The following APBB2 variants were observed in gnomAD, a reference collection of about 807,000 sequenced individuals.
The protein encoded by APBB2 is amyloid beta precursor protein binding family B member 2.
In APBB2, 38 loss-of-function variants were observed where a neutral mutation model predicts 82.5. The ratio of observed to expected loss-of-function variants is 0.46; its 90% CI spans 0.36 to 0.60. The LOEUF (loss-of-function observed/expected upper bound fraction) is 0.60, where lower values mean the gene tolerates loss of function less well. APBB2 is among the 20% of genes least tolerant of loss of function. The pLI is 0.00. For synonymous variants in APBB2, 341 were observed against 368.2 expected (o/e 0.93, Z 0.85); for missense variants, 772 against 972.3 (o/e 0.79, Z 2.74).
rs534447519 is a variant in APBB2 at position 40,971,721 on chromosome 4, A to C, written c.836-26648T>G. Among the ~76,000 whole-genome samples, 10 of 152,348 alleles carry C rather than the reference A, an allele frequency of 6.6e-5. No individual in the cohort carries two copies. The South Asian group carries it at 1.9e-3, about 28-fold the overall frequency. On this transcript the variant is annotated intron_variant, in intron 6 of 17. Coordinates refer to ENST00000508593, the MANE Select transcript of APBB2 (RefSeq NM_004307.2). ...TAGAAAATGTTTCAAAAGTAGAGAA[A>C]GAAAACCTATCATATATCCCCTTCT... is the stretch of plus-strand genomic sequence containing the variant.
chr4:41,124,652 T>A (rs1008466237), intron 2 of APBB2, among the ~76,000 whole-genome samples: 8 of 152,218 alleles, frequency 5.3e-5, no homozygotes, highest in African/African-American at 1.7e-4. Flanking sequence ...ATTTTTGTCT[T>A]GATAAAATAC....
At chr4:40,956,314 G>A (rs1038225862) in intron 6 of APBB2, among the ~76,000 whole-genome samples, 4 of 152,182 alleles carry the variant, frequency 2.6e-5, no homozygotes, top group Non-Finnish European at 5.9e-5. Context: ...GCAGCAAACA[G>A]AGGCTGCTTA....
intron 1 of APBB2, among the ~76,000 whole-genome samples, chr4:41,181,229 G>A (rs1580674396): frequency 6.6e-6 from 1 of 152,240 alleles, no homozygotes; most frequent in East Asian, 1.9e-4. Context: ...AGCCATTGTG[G>A]GGAGTTGGGG....
intron 1 of APBB2, among the ~76,000 whole-genome samples, chr4:41,197,794 T>C: frequency 6.6e-6 from 1 of 152,218 alleles, no homozygotes; most frequent in Non-Finnish European, 1.5e-5. Flanking sequence ...TCATATGCTA[T>C]TTCACTAACA....
intron 12 of APBB2, chr4:40,857,278 C>G (rs1332681212): frequency 3.1e-6 from 2 of 637,322 alleles, no homozygotes; most frequent in African/African-American, 2.0e-5. Flanking sequence ...AGTGCTCCCG[C>G]TAGGTGCTCC....
chr4:40,850,673 T>C (rs1267207705), intron 12 of APBB2, among the ~76,000 whole-genome samples: 4 of 152,222 alleles, frequency 2.6e-5, no homozygotes, highest in South Asian at 2.1e-4. Flanking sequence ...AGCTGAGTAG[T>C]TGCAACAGAG....
At chr4:40,820,255 T>C (rs953603523) in intron 17 of APBB2, among the ~76,000 whole-genome samples, 1 of 152,242 alleles carries the variant, frequency 6.6e-6, no homozygotes, top group Non-Finnish European at 1.5e-5. Context: ...TGGACGCTCC[T>C]CCTCTCTCCC....
At chr4:41,208,648 A>G (rs10517001) in intron 1 of APBB2, among the ~76,000 whole-genome samples, 3,758 of 152,302 alleles carry the variant, frequency 0.025, 61 homozygotes, top group Non-Finnish European at 0.037. Context: ...AATGAGTTAC[A>G]CTTCGGGAAC....
intron 3 of APBB2, among the ~76,000 whole-genome samples, chr4:41,075,177 C>T (rs1221086126): frequency 2.0e-5 from 3 of 152,184 alleles, no homozygotes; most frequent in African/African-American, 7.2e-5. Flanking sequence ...TATATTCATT[C>T]AAACTCTGGA....
intron 1 of APBB2, among the ~76,000 whole-genome samples, chr4:41,159,961 G>GAGGAGGAGGAGA (rs1764560364): frequency 6.3e-5 from 2 of 31,990 alleles, no homozygotes; most frequent in African/African-American, 1.0e-4. Context: ...GAAGGAGAAG[G>GAGGAGGAGGAGA]AGAAGAAGAA....
chr4:40,887,478 T>C (rs1770650015), intron 12 of APBB2, among the ~76,000 whole-genome samples: 1 of 152,258 alleles, frequency 6.6e-6, no homozygotes, highest in Non-Finnish European at 1.5e-5. Flanking sequence ...GTTTTATTCA[T>C]GCAAAGTGAA....
At chr4:41,144,706 T>TA (rs535853813) in intron 1 of APBB2, among the ~76,000 whole-genome samples, 14 of 152,334 alleles carry the variant, frequency 9.2e-5, no homozygotes, top group South Asian at 6.2e-4. Context: ...TTCCTAGAAA[T>TA]AAAAAATTCT....
intron 3 of APBB2, among the ~76,000 whole-genome samples, chr4:41,084,133 TAAAG>T (rs1381488130): frequency 6.6e-6 from 1 of 152,092 alleles, no homozygotes; most frequent in Non-Finnish European, 1.5e-5. Context: ...AGAAATCTCT[TAAAG>T]AAATAGGCTG....
At chr4:41,038,428 A>G (rs1720094215) in intron 4 of APBB2, among the ~76,000 whole-genome samples, 1 of 152,090 alleles carries the variant, frequency 6.6e-6, no homozygotes, top group Admixed American at 6.5e-5. Context: ...TCTTTGTCCA[A>G]CCCATTTTTA....
intron 6 of APBB2, among the ~76,000 whole-genome samples, chr4:41,005,565 C>G (rs1338468881): frequency 6.6e-6 from 1 of 152,172 alleles, no homozygotes; most frequent in African/African-American, 2.4e-5. Context: ...ATGCCCACCT[C>G]CAAGGTATGA....
At chr4:40,913,159 A>T (rs1296675654) in intron 10 of APBB2, among the ~76,000 whole-genome samples, 1 of 152,152 alleles carries the variant, frequency 6.6e-6, no homozygotes, top group Non-Finnish European at 1.5e-5. Context: ...ATCCTAAGAA[A>T]GGAGCAGAGA....
intron 12 of APBB2, among the ~76,000 whole-genome samples, chr4:40,836,010 A>C (rs1753803337): frequency 6.6e-6 from 1 of 152,108 alleles, no homozygotes. Context: ...GAAGTTGATG[A>C]GCTCCAGGGT....
intron 12 of APBB2, among the ~76,000 whole-genome samples, chr4:40,846,674 G>T (rs78436973): frequency 6.6e-6 from 1 of 152,276 alleles, no homozygotes; most frequent in African/African-American, 2.4e-5. Flanking sequence ...TGATGGGAAA[G>T]TTAGACTTCC....
intron 12 of APBB2, among the ~76,000 whole-genome samples, chr4:40,840,150 G>A (rs115856999): frequency 1.9e-3 from 291 of 152,270 alleles, no homozygotes; most frequent in African/African-American, 6.8e-3. Flanking sequence ...TCGCACTTCT[G>A]GCACTTTAGG....
Sources: allele counts gnomAD v4.1 joint callset (sites outside exome capture counted in the v4.1 genomes callset), GRCh38; gene constraint gnomAD v4.1.1; transcripts MANE v1.5; gene names NCBI Gene and HGNC (gene_info 2026-07-23, HGNC 2026-07-21).